SLC39A14: variants seen among roughly 807,000 people sequenced by gnomAD.
SLC39A14 encodes the protein solute carrier family 39 member 14, also known as metal cation symporter ZIP14.
Under a neutral mutation model 45.5 loss-of-function variants are expected in SLC39A14, and 19 were observed. That is an observed-to-expected ratio of 0.42 (90% CI 0.29 to 0.61). SLC39A14 has a LOEUF of 0.61. Among genes scored for constraint, SLC39A14 ranks in the 20% least tolerant of loss-of-function variants. The pLI is 0.22. For missense variants in SLC39A14, 447 were observed against 616.5 expected (o/e 0.73, Z 2.91); for synonymous variants, 264 against 251.3 (o/e 1.05, Z -0.48).
intron 2 of SLC39A14, among the ~76,000 whole-genome samples, chr8:22,407,302 G>A (rs922320614): frequency 3.9e-5 from 6 of 152,196 alleles, no homozygotes; most frequent in African/African-American, 1.4e-4. Context: ...ATTGTGATGT[G>A]CAGCCAGATT....
intron 1 of SLC39A14, among the ~76,000 whole-genome samples, chr8:22,394,414 A>G (rs1172116866): frequency 6.8e-6 from 1 of 146,040 alleles, no homozygotes; most frequent in African/African-American, 2.6e-5. Context: ...CCACCTCCCG[A>G]GTTCACGCCA....
At chr8:22,388,800 A>T (rs1034691765) in intron 1 of SLC39A14, among the ~76,000 whole-genome samples, 1 of 152,216 alleles carries the variant, frequency 6.6e-6, no homozygotes, top group African/African-American at 2.4e-5. Context: ...AGGTTTGGAC[A>T]GCCCGAGGGA....
At chr8:22,413,947 AT>A (rs879573857) in intron 4 of SLC39A14, among the ~76,000 whole-genome samples, 68 of 144,430 alleles carry the variant, frequency 4.7e-4, no homozygotes, top group Admixed American at 4.8e-4. Context: ...TAATTTTTGT[AT>A]TTTTTTTTTT....
Position 22,419,584 on chromosome 8 carries a change from T to C in SLC39A14, c.1365T>C (p.Asp455=), listed in dbSNP as rs750921747. ...FPEMNEVCQE[D]ERKGSILIPF... ...AGATGAATGAGGTCTGTCAAGAGGATGAAAGGAAGGGCAGCATCTTGATTC... is the reference window on the plus strand; with the variant it reads ...AGATGAATGAGGTCTGTCAAGAGGACGAAAGGAAGGGCAGCATCTTGATTC... The change falls in exon 9 of 9, where the codon GAT becomes GAC. Residue 455 remains aspartate (D), a synonymous_variant. Transcript: ENST00000381237. The C allele has an allele frequency of 1.9e-6, 3 of 1,614,036 alleles. No individual in the cohort carries two copies. In the South Asian group the frequency reaches 3.3e-5, roughly 18 times the overall value.
intron 1 of SLC39A14, among the ~76,000 whole-genome samples, chr8:22,391,997 G>A (rs1834103051): frequency 6.6e-6 from 1 of 152,218 alleles, no homozygotes; most frequent in Non-Finnish European, 1.5e-5. Flanking sequence ...TGCAGGCAGG[G>A]AGGAGAGGAG....
chr8:22,424,953 C>T (rs368390844), downstream of SLC39A14, among the ~76,000 whole-genome samples: 52 of 140,800 alleles, frequency 3.7e-4, no homozygotes, highest in African/African-American at 1.2e-3. Context: ...CACTTGAACC[C>T]GGGAGGCAGA....
intron 1 of SLC39A14, among the ~76,000 whole-genome samples, chr8:22,403,072 G>A (rs1476122811): frequency 6.6e-6 from 1 of 152,040 alleles, no homozygotes. Flanking sequence ...TGCCTGCAGG[G>A]TTCACGCCAT....
chr8:22,394,359 C>G (rs1246000667), intron 1 of SLC39A14, among the ~76,000 whole-genome samples: 1 of 143,180 alleles, frequency 7.0e-6, no homozygotes, highest in Non-Finnish European at 1.5e-5. Flanking sequence ...GAATCTCGCT[C>G]TGTCACCCAG....
intron 1 of SLC39A14, among the ~76,000 whole-genome samples, chr8:22,369,300 C>T (rs1468190605): frequency 3.3e-5 from 5 of 152,204 alleles, no homozygotes; most frequent in Admixed American, 2.0e-4. Context: ...GCGGGAGATT[C>T]GATCCAGGTG....
chr8:22,420,899 C>T lies in SLC39A14; in HGVS notation c.*1201C>T, dbSNP rs1398045830. On this transcript the variant is annotated 3_prime_UTR_variant, in exon 9 of 9. Coordinates refer to ENST00000381237, the MANE Select transcript of SLC39A14 (RefSeq NM_001128431.4). Reference sequence around the variant, plus strand: ...ACCCGTCTAGGTTACTGCTTCCTTGCAAAAAAAGTCGAATCCTGCATTGAA... The same window carrying T: ...ACCCGTCTAGGTTACTGCTTCCTTGTAAAAAAAGTCGAATCCTGCATTGAA... 2.0e-6 allele frequency: 2 copies of T among 985,354 alleles called. No individual in the cohort carries two copies. The highest frequency in any genetic ancestry group is 2.4e-6 in the Non-Finnish European group (2 of 829,884). 61.0% of individuals were successfully genotyped at this position (985,354 alleles called of 1,614,324 possible).
Position 22,415,941 on chromosome 8 carries a change from G to A in SLC39A14, c.923G>A (p.Gly308Asp), listed in dbSNP as rs1209838693. The A allele has an allele frequency of 2.5e-6, 4 of 1,605,906 alleles. No individual in the cohort carries two copies. The highest frequency in any genetic ancestry group is 2.6e-6 in the Non-Finnish European group (3 of 1,175,146). The change falls in exon 6 of 9, where the codon GGC (glycine) becomes GAC (aspartate). Residue 308 changes from glycine to aspartate, a missense_variant. By Grantham distance (94) the Gly-to-Asp change is moderately conservative. Transcript: ENST00000381237. The part of the protein sequence containing the change: ...APMVDEKVIV[G>D]SLSVQDLQAS... ...ATGGTGGACGAGAAGGTCATTGTGG[G>A]CTCGCTCTCTGTGCAGGTCAGTGGG... is the stretch of plus-strand genomic sequence containing the variant.
intron 1 of SLC39A14, among the ~76,000 whole-genome samples, chr8:22,391,190 A>T (rs1457504819): frequency 6.6e-6 from 1 of 152,158 alleles, no homozygotes; most frequent in African/African-American, 2.4e-5. Context: ...GCCTAACTGC[A>T]CCCTGATCTA....
At chr8:22,419,404 G>A (rs547327457) in intron 8 of SLC39A14, 148 bp from the exon 9 acceptor site, 19 of 711,708 alleles carry the variant, frequency 2.7e-5, no homozygotes, top group Non-Finnish European at 4.0e-5. Context: ...GGCTGGTCTC[G>A]AACTCCTGAC....
chr8:22,368,933 C>T (rs201158448), intron 1 of SLC39A14, among the ~76,000 whole-genome samples: 6 of 152,120 alleles, frequency 3.9e-5, no homozygotes, highest in East Asian at 3.9e-4. Context: ...TCCTGAAAAG[C>T]GAAGTCCAGA....
intron 3 of SLC39A14, among the ~76,000 whole-genome samples, chr8:22,410,285 C>A (rs547849525): frequency 6.6e-6 from 1 of 152,262 alleles, no homozygotes; most frequent in Admixed American, 6.5e-5. Flanking sequence ...ATCTCAGGGC[C>A]CACCTCTCAC....
chr8:22,425,534 C>CTTTT (rs34521121), downstream of SLC39A14, among the ~76,000 whole-genome samples: 1 of 144,492 alleles, frequency 6.9e-6, no homozygotes, highest in African/African-American at 2.5e-5. Context: ...TTTCGGCTGA[C>CTTTT]TTTTTTTTTT....
Position 22,412,171 on chromosome 8 carries a change from C to G in SLC39A14, c.592C>G (p.Leu198Val). Reference sequence around the variant, plus strand: ...CTTCATAGCTCTGGCGATTGGAACCCTCTACTCCAACGCCCTCTTCCAGCT... The same window carrying G: ...CTTCATAGCTCTGGCGATTGGAACCGTCTACTCCAACGCCCTCTTCCAGCT... ...LYFIALAIGT[L>V]YSNALFQLIP... The change falls in exon 4 of 9, where the codon CTC becomes GTC. Residue 198 changes from leucine to valine, a missense_variant. Leu to Val is a conservative substitution (Grantham distance 32, BLOSUM62 1). This residue lies in a region of SLC39A14 where 342 missense variants were observed against 428.1 expected (regional missense o/e 0.80). Transcript: ENST00000381237. 1 of 1,551,744 alleles carries G rather than the reference C, an allele frequency of 6.4e-7. No individual in the cohort carries two copies. Among genetic ancestry groups the G allele is most frequent in the South Asian group, 1.2e-5 (1 of 84,062 alleles).
At chr8:22,368,698 G>A (rs1209301309) in intron 1 of SLC39A14, among the ~76,000 whole-genome samples, 1 of 151,792 alleles carries the variant, frequency 6.6e-6, no homozygotes, top group African/African-American at 2.4e-5. Context: ...CACCATGCCC[G>A]GCTAATTTTT....
intron 2 of SLC39A14, among the ~76,000 whole-genome samples, chr8:22,407,617 T>C (rs1586724263): frequency 6.6e-6 from 1 of 151,896 alleles, no homozygotes; most frequent in East Asian, 1.9e-4. Context: ...CATCTGAGTC[T>C]CCCAAAGTGC....
Sources: gnomAD v4.1 joint callset for allele counts (sites outside exome capture counted in the v4.1 genomes callset) on GRCh38, gnomAD v4.1.1 for gene constraint, gnomAD v4.1.1 regional missense constraint, MANE v1.5 for transcripts, NCBI Gene and HGNC (gene_info 2026-07-23, HGNC 2026-07-21) for gene names.